The following ACOX1 variants were observed in gnomAD, a reference collection of about 807,000 sequenced individuals.
ACOX1 encodes peroxisomal acyl-coenzyme A oxidase 1.
Under a neutral mutation model 75.5 loss-of-function variants are expected in ACOX1, and 41 were observed. That is an observed-to-expected ratio of 0.54 (90% confidence interval 0.42 to 0.70). The LOEUF (loss-of-function observed/expected upper bound fraction) is 0.70. Ranked by LOEUF, ACOX1 falls within the 30% of genes least tolerant of loss-of-function variation. The pLI, the probability that ACOX1 is intolerant of heterozygous loss-of-function variation, is 0.00. For missense variants in ACOX1, 630 were observed against 837.5 expected, an observed-to-expected ratio of 0.75 and a Z score of 3.06; for synonymous variants, 303 against 298.8, an observed-to-expected ratio of 1.01 and a Z score of -0.15.
At position 75,979,149 on chromosome 17, in the gene ACOX1, G is replaced by C. The variant is rs552785255; in HGVS notation, c.-76C>G. The C allele has an allele frequency of 1.3e-3, 2,051 of 1,571,344 alleles. 34 individuals carry two copies. The Middle Eastern group carries it at 0.047, about 36-fold the overall frequency. On this transcript the variant is annotated 5_prime_UTR_variant, in exon 1 of 14. Coordinates refer to ENST00000293217, the MANE Select transcript of ACOX1 (RefSeq NM_004035.7). The stretch of plus-strand genomic sequence containing the variant: ...AATCTAAATCCGCAGCTCCAGCGCC[G>C]GCCGGACCCTAGGAGGCAGCCTCAG...
intron 4 of ACOX1, among the ~76,000 whole-genome samples, chr17:75,956,456 C>T (rs1019873845): frequency 3.9e-5 from 6 of 152,060 alleles, no homozygotes; most frequent in African/African-American, 1.2e-4. Context: ...TTTGGGAGGC[C>T]GAGGCGGGCA....
chr17:75,977,061 G>C (rs1164958355), intron 2 of ACOX1, among the ~76,000 whole-genome samples: 2 of 135,546 alleles, frequency 1.5e-5, no homozygotes, highest in African/African-American at 5.7e-5. Context: ...GCAGTGGCGT[G>C]ATCTCGGCTC....
chr17:75,976,991 CTTT>C (rs1019883355), intron 2 of ACOX1, among the ~76,000 whole-genome samples: 230 of 78,858 alleles, frequency 2.9e-3, no homozygotes, highest in African/African-American at 0.011. Flanking sequence ...GCAAAAAAGT[CTTT>C]TTTTTTTTTT....
At chr17:75,969,350 C>T (rs7220130) in intron 2 of ACOX1, among the ~76,000 whole-genome samples, 1 of 151,876 alleles carries the variant, frequency 6.6e-6, no homozygotes, top group Non-Finnish European at 1.5e-5. Context: ...ATTTTTAGTA[C>T]GGACGGGGTT....
chr17:75,958,731 C>T (rs761622434), intron 3 of ACOX1, among the ~76,000 whole-genome samples: 15 of 151,396 alleles, frequency 9.9e-5, no homozygotes, highest in Non-Finnish European at 1.8e-4. Context: ...TGGCGTGAAC[C>T]CGGAAGGTGG....
At chr17:75,969,098 A>G (rs890569773) in intron 2 of ACOX1, among the ~76,000 whole-genome samples, 1 of 152,186 alleles carries the variant, frequency 6.6e-6, no homozygotes, top group East Asian at 1.9e-4. Flanking sequence ...GTCCCTCAAT[A>G]TAGTAATTCA....
At position 75,949,505 on chromosome 17, in the gene ACOX1, C is replaced by T. The variant is rs749761908; in HGVS notation, c.1574G>A (p.Arg525Gln). The change falls in exon 11 of 14, where the codon CGA (arginine) becomes CAA (glutamine). Residue 525 changes from arginine (R) to glutamine (Q), a missense_variant. By Grantham distance (43) the Arg-to-Gln change is conservative (BLOSUM62 1). Coordinates refer to ENST00000293217, the MANE Select transcript of ACOX1 (RefSeq NM_004035.7). Reference sequence around the variant, plus strand: ...AGAACTACCACTGACCTCACTTGCTCGAACAAGGTCAACAGAAGTTAGGTT... The same window carrying T: ...AGAACTACCACTGACCTCACTTGCTTGAACAAGGTCAACAGAAGTTAGGTT... ...AWNLTSVDLVRASEAHCHYVV... is the reference protein window; with the variant it reads ...AWNLTSVDLVQASEAHCHYVV... 10 of 1,614,196 alleles carry T rather than the reference C, an allele frequency of 6.2e-6. No individual in the cohort carries two copies. Among genetic ancestry groups the T allele is most frequent in the South Asian group, 2.2e-5 (2 of 91,078 alleles).
chr17:75,964,123 G>C (rs776274376), intron 2 of ACOX1, among the ~76,000 whole-genome samples: 1 of 148,008 alleles, frequency 6.8e-6, no homozygotes, highest in Non-Finnish European at 1.5e-5. Context: ...GGCAGAGGTT[G>C]CAGTGAGCCA....
At position 75,978,543 on chromosome 17, in the gene ACOX1, C is replaced by T; in HGVS notation, c.260G>A (p.Trp87Ter). 3 of 1,614,114 alleles carry T rather than the reference C, an allele frequency of 1.9e-6. No individual in the cohort carries two copies. Among genetic ancestry groups the T allele is most frequent in the Non-Finnish European group, 2.5e-6 (3 of 1,180,038 alleles). Residue 87 changes from tryptophan to a stop codon, truncating the protein, a stop_gained, in exon 2 of 14, where the codon TGG becomes TAG. Transcript: ENST00000293217. LOFTEE classifies it high-confidence loss of function. This position sits in a 1 kb window ranked among gnomAD's most constrained non-coding sequence, Gnocchi z 4.2. Reference protein sequence around the residue: ...FGIADPDEIMWFKNFVHRGRP... With the variant: ...FGIADPDEIM ...TCTAAGGCATACCTACTTTTTAAAC[C>T]ACATAATTTCATCAGGGTCAGCGAT...
chr17:75,973,605 G>T, intron 2 of ACOX1: 1 of 1,613,898 alleles, frequency 6.2e-7, no homozygotes, highest in African/African-American at 1.3e-5. Context: ...GTTACCCACA[G>T]ACCCTCAATG....
Position 75,941,808 on chromosome 17 carries a change from C to CA in ACOX1, c.*4939dup, listed in dbSNP as rs1212872550. The CA allele has an allele frequency of 6.6e-6, 1 of 152,166 alleles. No individual in the cohort carries two copies. Among genetic ancestry groups the CA allele is most frequent in the African/African-American group, 2.4e-5 (1 of 41,434 alleles). 9.4% of individuals were successfully genotyped at this position (152,166 alleles called of 1,614,324 possible). A position where few individuals can be genotyped will look rare whatever the true frequency, so the allele number is the denominator to read the frequency against. ...AGTAATTATGTGCTCCCAAGGCAGTCATTTAGTTGAATCCATAACTGGAAA... is the reference window on the plus strand; with the variant it reads ...AGTAATTATGTGCTCCCAAGGCAGTCAATTTAGTTGAATCCATAACTGGAAA... On this transcript the variant is annotated 3_prime_UTR_variant, in exon 14 of 14. Coordinates refer to ENST00000293217, the MANE Select transcript of ACOX1 (RefSeq NM_004035.7).
At chr17:75,948,498 A>C in intron 12 of ACOX1, 41 bp from the exon 13 acceptor site, 6 of 1,485,288 alleles carry the variant, frequency 4.0e-6, no homozygotes, top group Non-Finnish European at 3.7e-6. Flanking sequence ...ATATATATGT[A>C]TATAGATAGA....
intron 4 of ACOX1, among the ~76,000 whole-genome samples, chr17:75,956,965 CTCTCTCTATATATATATATATATATATA>C (rs1445452521): frequency 1.7e-3 from 25 of 14,372 alleles, no homozygotes; most frequent in Middle Eastern, 0.031. Flanking sequence ...CTCTCTCTCT[CTCTCTCTATATATATATATATATATATA>C]TATATATATA....
At chr17:75,957,718 TAAC>T in intron 3 of ACOX1, 152 bp from the exon 4 acceptor site, 1 of 628,064 alleles carries the variant, frequency 1.6e-6, no homozygotes, top group South Asian at 1.8e-5. Context: ...AACTGGTTGA[TAAC>T]CAAGACACTG....
chr17:75,963,137 AAAC>A (rs2065901205), intron 2 of ACOX1, among the ~76,000 whole-genome samples: 1 of 152,148 alleles, frequency 6.6e-6, no homozygotes, highest in African/African-American at 2.4e-5. Context: ...GAAAAACAAA[AAAC>A]AACAACGAAC....
chr17:75,949,842 C>T lies in ACOX1; in HGVS notation c.1354G>A (p.Val452Met), dbSNP rs1741897104. The T allele has an allele frequency of 1.2e-6, 2 of 1,614,174 alleles. No homozygotes were observed. The highest frequency in any genetic ancestry group is 1.7e-6 in the Non-Finnish European group (2 of 1,180,028). ...CTGGGCAGGTCGTTCAAATAGGACA[C>T]CATGCCACACACCAACTTTCCTGAG... ...VHSGKLVCGM[V>M]SYLNDLPSQR... Residue 452 changes from valine to methionine, a missense_variant, in exon 10 of 14, where the codon GTG (valine) becomes ATG (methionine). Around this residue, in one of 2 missense-constraint regions of ACOX1, gnomAD observed 240 missense variants for 262.7 expected, o/e 0.91. Transcript: ENST00000293217.
At position 75,955,701 on chromosome 17, in the gene ACOX1, A is replaced by C; in HGVS notation, c.659-20T>G. ...TAATTCCTACCACAGATGAAAGGAC[A>C]GTCACGAGATGTTTATGCTCTGGAA... On this transcript the variant is annotated intron_variant, in intron 5 of 13. Transcript: ENST00000293217. 6.2e-7 allele frequency: 1 copy of C among 1,611,956 alleles called. No homozygotes were observed. The highest frequency in any genetic ancestry group is 8.5e-7 in the Non-Finnish European group (1 of 1,178,018).
At position 75,946,512 on chromosome 17, in the gene ACOX1, G is replaced by A. The variant is rs1004858606; in HGVS notation, c.*236C>T. ...CAGCATTACAAAAGGAAGTCATATC[G>A]CATTTCTTAAGCTTTTTCTGAATGG... On this transcript the variant is annotated 3_prime_UTR_variant, in exon 14 of 14. Coordinates refer to ENST00000293217, the MANE Select transcript of ACOX1 (RefSeq NM_004035.7). 7 of 501,530 alleles carry A rather than the reference G, an allele frequency of 1.4e-5. No homozygotes were observed. Among genetic ancestry groups the A allele is most frequent in the Middle Eastern group, 5.7e-4 (1 of 1,748 alleles). The allele number at this position is 501,530 out of a possible 1,614,324, so 31.1% of individuals were successfully genotyped here. A position where few individuals can be genotyped will look rare whatever the true frequency, so the allele number is the denominator to read the frequency against.
chr17:75,957,526 G>A lies in ACOX1; in HGVS notation c.471C>T (p.Asp157=), dbSNP rs1320738256. The A allele has an allele frequency of 6.2e-7, 1 of 1,614,132 alleles. No homozygotes were observed. Among genetic ancestry groups the A allele is most frequent in the South Asian group, 1.1e-5 (1 of 91,082 alleles). Residue 157 remains aspartate (D), a synonymous_variant, in exon 4 of 14, where the codon GAC becomes GAT. Transcript: ENST00000293217. Reference sequence around the variant, plus strand: ...TGAGAATGAACTCCTGGGTTTCAGGGTCATACGTGGCTGTGGTTTCCAAGC... The same window carrying A: ...TGAGAATGAACTCCTGGGTTTCAGGATCATACGTGGCTGTGGTTTCCAAGC... ...LRGLETTATY[D]PETQEFILNS...
Sources: allele counts gnomAD v4.1 joint callset (sites outside exome capture counted in the v4.1 genomes callset), GRCh38; gene constraint gnomAD v4.1.1; regional missense constraint gnomAD v4.1.1; non-coding constraint Gnocchi (gnomAD v3.1); transcripts MANE v1.5; gene names NCBI Gene and HGNC (gene_info 2026-07-23, HGNC 2026-07-21).